PRKX: variants seen among roughly 807,000 people sequenced by gnomAD.
The protein encoded by PRKX is cAMP-dependent protein kinase catalytic subunit PRKX.
In PRKX, 12 loss-of-function variants were observed where a neutral mutation model predicts 22.0. The ratio of observed to expected loss-of-function variants is 0.54; its 90% CI spans 0.35 to 0.88. The LOEUF (loss-of-function observed/expected upper bound fraction) is 0.88, where lower values mean the gene tolerates loss of function less well. Among genes scored for constraint, PRKX ranks in the 40% least tolerant of loss-of-function variants. The probability of loss-of-function intolerance (pLI) is 0.01; values close to 1 mark genes in which losing one functional copy is unlikely to be tolerated. For synonymous variants in PRKX, 134 were observed against 137.7 expected (o/e 0.97, Z 0.19); for missense variants, 217 against 308.0 (o/e 0.70, Z 2.21).
chrX:3,705,113 A>C (rs754871807), intron 1 of PRKX, among the ~76,000 whole-genome samples: 4 of 111,761 alleles, frequency 3.6e-5, no homozygotes, highest in Non-Finnish European at 7.5e-5. Flanking sequence ...AAAACACGGC[A>C]GACTGGGGCT....
At chrX:3,659,949 C>A (rs1454280265) in intron 2 of PRKX, among the ~76,000 whole-genome samples, 2 of 110,964 alleles carry the variant, frequency 1.8e-5, no homozygotes, top group Non-Finnish European at 3.8e-5. Context: ...AAAGACCCAG[C>A]ACATACCCAC....
chrX:3,639,515 AGTGGGTGGGTGGATGGATGACGGG>A (rs1240336321), intron 4 of PRKX, among the ~76,000 whole-genome samples: 4 of 14,557 alleles, frequency 2.7e-4, no homozygotes, highest in South Asian at 0.016. Context: ...TGGATGAAGG[AGTGGGTGGGTGGATGGATGACGGG>A]GTGGGTGGGT....
chrX:3,697,072 C>T (rs1928458414), intron 1 of PRKX, among the ~76,000 whole-genome samples: 3 of 108,854 alleles, frequency 2.8e-5, no homozygotes, highest in Admixed American at 2.0e-4. Flanking sequence ...GCTACCTACT[C>T]ACCAGGCACA....
At chrX:3,675,237 G>A (rs1488796731) in intron 1 of PRKX, among the ~76,000 whole-genome samples, 2 of 111,689 alleles carry the variant, frequency 1.8e-5, no homozygotes, top group African/African-American at 6.5e-5. Flanking sequence ...CAACACGGCT[G>A]TTTCCTTAAC....
At chrX:3,679,033 G>A (rs931191613) in intron 1 of PRKX, among the ~76,000 whole-genome samples, 6 of 111,771 alleles carry the variant, frequency 5.4e-5, no homozygotes, top group Admixed American at 4.8e-4. Context: ...GTAGTGTTAT[G>A]CACGAGGGAA....
chrX:3,680,122 A>C (rs1403074064), intron 1 of PRKX, among the ~76,000 whole-genome samples: 2 of 106,791 alleles, frequency 1.9e-5, no homozygotes, highest in Admixed American at 2.0e-4. Flanking sequence ...ACACAAACAC[A>C]TCCTGGCCTG....
intron 3 of PRKX, among the ~76,000 whole-genome samples, chrX:3,649,896 T>C (rs1927281986): frequency 3.8e-5 from 4 of 106,635 alleles, no homozygotes; most frequent in African/African-American, 1.4e-4. Context: ...TCCCAAAACT[T>C]TGGGGGGCCA....
chrX:3,655,841 G>A (rs1165454553), intron 2 of PRKX, among the ~76,000 whole-genome samples: 1 of 112,303 alleles, frequency 8.9e-6, no homozygotes, highest in African/African-American at 3.2e-5. Flanking sequence ...TATGGATATG[G>A]ATAAGTGTTG....
At chrX:3,671,294 T>C (rs1927842343) in intron 2 of PRKX, among the ~76,000 whole-genome samples, 1 of 110,286 alleles carries the variant, frequency 9.1e-6, no homozygotes, top group African/African-American at 3.3e-5. Flanking sequence ...GAGATCTCAC[T>C]ATGTTGCCCA....
chrX:3,622,586 G>T (rs1182470038), intron 5 of PRKX, among the ~76,000 whole-genome samples: 2 of 110,683 alleles, frequency 1.8e-5, no homozygotes. Context: ...TGTCTGATCG[G>T]AAATTTTACA....
chrX:3,703,856 A>G (rs1490176097), intron 1 of PRKX, among the ~76,000 whole-genome samples: 1 of 108,310 alleles, frequency 9.2e-6, no homozygotes, highest in Non-Finnish European at 1.9e-5. Context: ...ATTTTTGGGT[A>G]CAAACGGGGT....
intron 3 of PRKX, among the ~76,000 whole-genome samples, chrX:3,651,763 G>C (rs1223176701): frequency 1.8e-5 from 2 of 111,433 alleles, no homozygotes; most frequent in Non-Finnish European, 3.8e-5. Flanking sequence ...CCACATCAAA[G>C]AATATGGAAA....
chrX:3,651,776 T>C (rs1469011231), intron 3 of PRKX, among the ~76,000 whole-genome samples: 1 of 111,773 alleles, frequency 8.9e-6, no homozygotes, highest in Non-Finnish European at 1.9e-5. Flanking sequence ...TATGGAAATA[T>C]AAAATGTATT....
chrX:3,691,942 GATTA>G (rs1485786501), intron 1 of PRKX, among the ~76,000 whole-genome samples: 9 of 110,176 alleles, frequency 8.2e-5, no homozygotes, highest in East Asian at 2.9e-4. Context: ...ATGATACACT[GATTA>G]ATTGATTGGA....
intron 1 of PRKX, among the ~76,000 whole-genome samples, chrX:3,694,967 C>T (rs1928416425): frequency 8.9e-6 from 1 of 111,905 alleles, no homozygotes; most frequent in Admixed American, 9.5e-5. Flanking sequence ...CTCCTGGTGT[C>T]CAGGCCTGGG....
At chrX:3,673,488 G>A (rs1260050771) in intron 2 of PRKX, among the ~76,000 whole-genome samples, 1 of 110,892 alleles carries the variant, frequency 9.0e-6, no homozygotes, top group Non-Finnish European at 1.9e-5. Context: ...TATAAAGTGA[G>A]GAATGTCTTC....
intron 1 of PRKX, among the ~76,000 whole-genome samples, chrX:3,700,823 C>T (rs1177699584): frequency 9.0e-6 from 1 of 111,093 alleles, no homozygotes; most frequent in Admixed American, 9.7e-5. Flanking sequence ...TAGTCTCGAA[C>T]CCCTGGCCTC....
chrX:3,626,472 C>G lies in PRKX; in HGVS notation c.762G>C (p.Gln254His), dbSNP rs1194048619. The change falls in exon 5 of 9, where the codon CAG (glutamine) becomes CAC (histidine). Residue 254 changes from glutamine (Q) to histidine (H), a missense_variant. Coordinates refer to ENST00000262848, the MANE Select transcript of PRKX (RefSeq NM_005044.5). Reference protein sequence around the residue: ...FFDDNPFGIYQKILAGKIDFP... With the variant: ...FFDDNPFGIYHKILAGKIDFP... ...AATCTATTTTGCCTGCAAGAATTTT[C>G]TGATAAATGCCAAACGGGTTGTCAT... 1 of 1,209,487 alleles carries G rather than the reference C, an allele frequency of 8.3e-7. No individual in the cohort carries two copies. The highest frequency in any genetic ancestry group is 1.7e-5 in the African/African-American group (1 of 57,330).
At chrX:3,614,372 C>T (rs1294571357) in intron 7 of PRKX, among the ~76,000 whole-genome samples, 4 of 111,733 alleles carry the variant, frequency 3.6e-5, no homozygotes, top group Non-Finnish European at 5.6e-5. Context: ...GTCTGTAATC[C>T]CAGCTACTCA....
Sources: allele counts gnomAD v4.1 joint callset (sites outside exome capture counted in the v4.1 genomes callset), GRCh38; gene constraint gnomAD v4.1.1; transcripts MANE v1.5; gene names NCBI Gene and HGNC (gene_info 2026-07-23, HGNC 2026-07-21).